Variants in NRXN1 observed in about 807,000 individuals in gnomAD.
NRXN1 encodes the protein neurexin-1.
NRXN1 carries 39 observed loss-of-function variants against 150.9 expected under a neutral mutation model. The observed-to-expected ratio is 0.26, with a 90% CI of 0.20 to 0.34. The LOEUF (loss-of-function observed/expected upper bound fraction) is 0.34, where lower values mean the gene tolerates loss of function less well. NRXN1 is among the 10% of genes least tolerant of loss of function. NRXN1 has a pLI of 1.00. For missense variants in NRXN1, 1,815 were observed against 1,949.9 expected (o/e 0.93, Z 1.30); for synonymous variants, 924 against 757.0 (o/e 1.22, Z -3.62).
chr2:50,911,855 C>G (rs952048699), intron 5 of NRXN1, among the ~76,000 whole-genome samples: 1 of 151,780 alleles, frequency 6.6e-6, no homozygotes, highest in Non-Finnish European at 1.5e-5. Flanking sequence ...ATTTTAATGA[C>G]CTTTACAACA....
chr2:50,959,186 G>C (rs898151676), intron 2 of NRXN1, among the ~76,000 whole-genome samples: 2 of 151,980 alleles, frequency 1.3e-5, no homozygotes, highest in Admixed American at 6.6e-5. Flanking sequence ...AACCCCTTTG[G>C]AAAGCAGTCT....
At chr2:50,050,924 T>C (rs1223447813) in intron 21 of NRXN1, among the ~76,000 whole-genome samples, 1 of 152,038 alleles carries the variant, frequency 6.6e-6, no homozygotes. Context: ...TTAAGTCAAA[T>C]TCTTTAATTA....
chr2:50,565,008 A>G (rs1034385188), intron 8 of NRXN1, among the ~76,000 whole-genome samples: 12 of 152,180 alleles, frequency 7.9e-5, no homozygotes, highest in African/African-American at 2.9e-4. Flanking sequence ...CGGAAGCTCA[A>G]TCAGCTCCCA....
At chr2:50,019,187 G>A in intron 21 of NRXN1, 1 of 471,192 alleles carries the variant, frequency 2.1e-6, no homozygotes, top group Non-Finnish European at 4.4e-6. Flanking sequence ...AAATTTACAT[G>A]TATTCAGCCC....
At chr2:50,275,650 A>G (rs934294161) in intron 17 of NRXN1, among the ~76,000 whole-genome samples, 19 of 152,124 alleles carry the variant, frequency 1.2e-4, no homozygotes, top group Non-Finnish European at 8.8e-5. Flanking sequence ...ATGTCAATTA[A>G]TAATTATTGA....
chr2:50,585,883 C>G (rs1216522415), intron 8 of NRXN1, among the ~76,000 whole-genome samples: 2 of 152,178 alleles, frequency 1.3e-5, no homozygotes, highest in Admixed American at 6.5e-5. Flanking sequence ...AAGTGCCAGC[C>G]TCCTAAGAGG....
chr2:50,366,064 C>T (rs2079556004), intron 17 of NRXN1, among the ~76,000 whole-genome samples: 2 of 150,790 alleles, frequency 1.3e-5, no homozygotes, highest in African/African-American at 4.9e-5. Flanking sequence ...TTTCACCCAA[C>T]ATAAATTCCT....
chr2:50,903,717 G>A (rs1683271278), intron 5 of NRXN1, among the ~76,000 whole-genome samples: 1 of 152,108 alleles, frequency 6.6e-6, no homozygotes, highest in South Asian at 2.1e-4. Context: ...ACGTCCTTAG[G>A]CAAAGGGAGC....
At chr2:50,328,880 C>G (rs148923718) in intron 17 of NRXN1, among the ~76,000 whole-genome samples, 137 of 152,308 alleles carry the variant, frequency 9.0e-4, no homozygotes, top group African/African-American at 3.2e-3. Flanking sequence ...CCCAGAACTG[C>G]TTGGTCAACC....
intron 12 of NRXN1, among the ~76,000 whole-genome samples, chr2:50,525,809 C>G (rs892255727): frequency 6.6e-6 from 1 of 152,020 alleles, no homozygotes; most frequent in Non-Finnish European, 1.5e-5. Context: ...GCTTTTCTTC[C>G]CGGGGGGGAA....
chr2:50,982,600 A>G (rs896950261), intron 2 of NRXN1, among the ~76,000 whole-genome samples: 16 of 152,148 alleles, frequency 1.1e-4, no homozygotes, highest in African/African-American at 3.9e-4. Context: ...AGATACAACT[A>G]GAAGCATTTT....
chr2:50,768,022 T>C (rs567190805), intron 5 of NRXN1, among the ~76,000 whole-genome samples: 1 of 152,210 alleles, frequency 6.6e-6, no homozygotes, highest in South Asian at 2.1e-4. Flanking sequence ...TTTGTTGATA[T>C]AAAGACAAAC....
intron 17 of NRXN1, among the ~76,000 whole-genome samples, chr2:50,364,205 G>A (rs1340907535): frequency 1.3e-5 from 2 of 152,116 alleles, no homozygotes; most frequent in Non-Finnish European, 2.9e-5. Flanking sequence ...AAACCTGCAT[G>A]TTCTGCACAC....
chr2:50,781,374 A>G (rs1483817907), intron 5 of NRXN1, among the ~76,000 whole-genome samples: 2 of 146,186 alleles, frequency 1.4e-5, no homozygotes, highest in African/African-American at 5.3e-5. Context: ...AGTCTGGGGA[A>G]AAAAAAAAAA....
intron 5 of NRXN1, chr2:50,919,789 G>A (rs536262016): frequency 6.3e-6 from 1 of 157,814 alleles, no homozygotes; most frequent in African/African-American, 2.4e-5. Flanking sequence ...GATGGCACAA[G>A]GTGGGGATAT....
intron 2 of NRXN1, among the ~76,000 whole-genome samples, chr2:50,942,373 G>C (rs1689594582): frequency 6.6e-6 from 1 of 152,092 alleles, no homozygotes; most frequent in African/African-American, 2.4e-5. Context: ...TTGTGAGAAG[G>C]CAGCTACTCC....
intron 17 of NRXN1, among the ~76,000 whole-genome samples, chr2:50,300,058 A>G (rs778196601): frequency 2.4e-4 from 37 of 152,350 alleles, no homozygotes; most frequent in Admixed American, 5.2e-4. Flanking sequence ...GAAGAAGGCA[A>G]GAAACAGTGT....
chr2:50,370,529 C>G (rs1301395776), intron 17 of NRXN1, among the ~76,000 whole-genome samples: 1 of 152,006 alleles, frequency 6.6e-6, no homozygotes, highest in African/African-American at 2.4e-5. Context: ...TTGATTTGCT[C>G]AAGGTGTCCT....
chr2:50,628,288 C>T (rs1466877075), intron 5 of NRXN1, among the ~76,000 whole-genome samples: 1 of 151,706 alleles, frequency 6.6e-6, no homozygotes, highest in Non-Finnish European at 1.5e-5. Context: ...ATTCCCCTTA[C>T]TTAAAAATGA....
Sources: gnomAD v4.1 joint callset for allele counts (sites outside exome capture counted in the v4.1 genomes callset) on GRCh38, gnomAD v4.1.1 for gene constraint, MANE v1.5 for transcripts, NCBI Gene and HGNC (gene_info 2026-07-23, HGNC 2026-07-21) for gene names.